Variants in PRDM1 observed in about 807,000 individuals in gnomAD.
PRDM1 encodes PR/SET domain 1.
A neutral mutation model predicts 62.8 loss-of-function variants in PRDM1; 13 were observed. That is an observed-to-expected ratio of 0.21 (90% CI 0.13 to 0.33). The LOEUF (loss-of-function observed/expected upper bound fraction) is 0.33. PRDM1 is among the 10% of genes least tolerant of loss of function. The pLI is 1.00. For synonymous variants in PRDM1, 396 were observed against 417.6 expected, an observed-to-expected ratio of 0.95 and a Z score of 0.63; for missense variants, 895 against 1,058.8, an observed-to-expected ratio of 0.85 and a Z score of 2.15.
chr6:106,042,763 T>C (rs377757941), intron 1 of PRDM1, among the ~76,000 whole-genome samples: 1 of 152,124 alleles, frequency 6.6e-6, no homozygotes, highest in African/African-American at 2.4e-5. Context: ...CTCACGGAGT[T>C]CTTCCCGATT....
At chr6:105,998,654 G>A (rs73516742) in intron 1 of PRDM1, among the ~76,000 whole-genome samples, 3,749 of 151,860 alleles carry the variant, frequency 0.025, 171 homozygotes, top group African/African-American at 0.085. Context: ...GTCAGACTTC[G>A]GGAAGCTAGT....
chr6:106,095,755 C>A (rs1180918838), intron 3 of PRDM1, 21 bp downstream of exon 3: 1 of 1,612,426 alleles, frequency 6.2e-7, no homozygotes, highest in Admixed American at 1.7e-5. Flanking sequence ...GAAATTTCTT[C>A]AGACCCATTA....
intron 3 of PRDM1, among the ~76,000 whole-genome samples, chr6:106,097,213 T>A (rs576964362): frequency 6.6e-6 from 1 of 152,320 alleles, no homozygotes; most frequent in South Asian, 2.1e-4. Context: ...TAACGTCTTC[T>A]CAGAAGTGAG....
chr6:105,998,539 C>G (rs1772378728), intron 1 of PRDM1, among the ~76,000 whole-genome samples: 1 of 152,164 alleles, frequency 6.6e-6, no homozygotes, highest in Non-Finnish European at 1.5e-5. Flanking sequence ...ACCCATAAGT[C>G]AAATGAATAT....
intron 1 of PRDM1, among the ~76,000 whole-genome samples, chr6:106,057,750 G>A (rs967849727): frequency 6.6e-6 from 1 of 152,166 alleles, no homozygotes; most frequent in African/African-American, 2.4e-5. Flanking sequence ...GATATTGGAT[G>A]TAATCATCAC....
chr6:106,050,544 C>G (rs950351775), intron 1 of PRDM1, among the ~76,000 whole-genome samples: 1 of 152,084 alleles, frequency 6.6e-6, no homozygotes, highest in East Asian at 1.9e-4. Context: ...TTCACAAAAA[C>G]AGATGAGCTC....
intron 1 of PRDM1, among the ~76,000 whole-genome samples, chr6:106,018,662 T>A (rs79373759): frequency 0.029 from 4,413 of 152,234 alleles, 96 homozygotes; most frequent in Non-Finnish European, 0.044. Context: ...TCTTTTTTTT[T>A]AAATATGATT....
Position 106,107,700 on chromosome 6 carries a change from C to G in PRDM1, c.*214C>G, listed in dbSNP as rs376932223. On this transcript the variant is annotated 3_prime_UTR_variant, in exon 7 of 7. Coordinates refer to ENST00000369096, the MANE Select transcript of PRDM1 (RefSeq NM_001198.4). ...GCCATATATATATATATATATATAT[C>G]TGTATACATATTATATATACTTATT... is the stretch of plus-strand genomic sequence containing the variant. 7.6e-6 allele frequency: 1 copy of G among 130,864 alleles called. No individual in the cohort carries two copies. Among genetic ancestry groups the G allele is most frequent in the Admixed American group, 1.2e-4 (1 of 8,662 alleles). The allele number at this position is 130,864 out of a possible 1,614,324, so 8.1% of individuals were successfully genotyped here. A position where few individuals can be genotyped will look rare whatever the true frequency, so the allele number is the denominator to read the frequency against.
chr6:106,026,749 C>T (rs1195750244), intron 1 of PRDM1, among the ~76,000 whole-genome samples: 1 of 152,030 alleles, frequency 6.6e-6, no homozygotes. Context: ...CTTGTGCATA[C>T]AAAGATGTGT....
intron 1 of PRDM1, among the ~76,000 whole-genome samples, chr6:106,026,174 A>T (rs1772763684): frequency 6.6e-6 from 1 of 152,128 alleles, no homozygotes; most frequent in Admixed American, 6.5e-5. Context: ...CTATTTGTAT[A>T]TTTGATTTAA....
chr6:106,000,805 T>A (rs1772416843), intron 1 of PRDM1, among the ~76,000 whole-genome samples: 1 of 152,254 alleles, frequency 6.6e-6, no homozygotes, highest in South Asian at 2.1e-4. Context: ...TTATCTATTT[T>A]ATAATGTTCA....
chr6:106,013,371 G>A (rs943815691), intron 1 of PRDM1, among the ~76,000 whole-genome samples: 4 of 142,620 alleles, frequency 2.8e-5, no homozygotes, highest in East Asian at 2.1e-4. Flanking sequence ...TTTGTTGCTC[G>A]GGCTGGAGTG....
chr6:106,098,231 A>G, intron 3 of PRDM1: 1 of 985,304 alleles, frequency 1.0e-6, no homozygotes, highest in Non-Finnish European at 1.2e-6. Flanking sequence ...CTGATTGTAT[A>G]AGGAAATTTC....
At chr6:106,048,216 CAAAAAAA>C (rs71006668), upstream of PRDM1, among the ~76,000 whole-genome samples, 64 of 110,216 alleles carry the variant, frequency 5.8e-4, no homozygotes, top group African/African-American at 1.7e-3. Context: ...CCATCTCTAC[CAAAAAAA>C]AAAAAAAAAA....
chr6:106,080,730 T>C (rs1388117933), intron 1 of PRDM1, among the ~76,000 whole-genome samples: 1 of 152,146 alleles, frequency 6.6e-6, no homozygotes, highest in African/African-American at 2.4e-5. Context: ...TGGACATCCA[T>C]TGTGGGATTA....
chr6:106,028,795 C>T (rs1251690418), intron 1 of PRDM1, among the ~76,000 whole-genome samples: 1 of 151,912 alleles, frequency 6.6e-6, no homozygotes, highest in Non-Finnish European at 1.5e-5. Context: ...ATTAATCCAT[C>T]TTTCCTTCCA....
At chr6:106,011,050 C>T (rs1326068905) in intron 1 of PRDM1, among the ~76,000 whole-genome samples, 1 of 152,184 alleles carries the variant, frequency 6.6e-6, no homozygotes, top group African/African-American at 2.4e-5. Context: ...GTAGGCCCTG[C>T]ACCGTTAATC....
intron 1 of PRDM1, among the ~76,000 whole-genome samples, chr6:106,029,120 C>G (rs528404875): frequency 6.6e-6 from 1 of 152,224 alleles, no homozygotes; most frequent in South Asian, 2.1e-4. Context: ...GGGGTTTCAT[C>G]ATGTTGACCA....
intron 1 of PRDM1, among the ~76,000 whole-genome samples, chr6:106,069,713 C>G (rs1405243800): frequency 6.6e-6 from 1 of 152,202 alleles, no homozygotes; most frequent in Non-Finnish European, 1.5e-5. Flanking sequence ...TCCAGCATTC[C>G]CTGGCAGTCA....
Sources: allele counts gnomAD v4.1 joint callset (sites outside exome capture counted in the v4.1 genomes callset), GRCh38; gene constraint gnomAD v4.1.1; transcripts MANE v1.5; gene names NCBI Gene and HGNC (gene_info 2026-07-23, HGNC 2026-07-21).